TBCE: variants seen among roughly 807,000 people sequenced by gnomAD.
The protein encoded by TBCE is tubulin folding cofactor E.
A neutral mutation model predicts 77.0 loss-of-function variants in TBCE; 53 were observed. The observed-to-expected ratio is 0.69, with a 90% CI of 0.55 to 0.87. The LOEUF is 0.87. TBCE is among the 40% of genes least tolerant of loss of function. The pLI, the probability that TBCE is intolerant of heterozygous loss-of-function variation, is 0.00. For synonymous variants in TBCE, 235 were observed against 241.3 expected (o/e 0.97, Z 0.24); for missense variants, 624 against 622.4 (o/e 1.00, Z -0.03).
At chr1:235,424,332 T>A (rs1036006626) in intron 5 of TBCE, among the ~76,000 whole-genome samples, 2 of 149,898 alleles carry the variant, frequency 1.3e-5, no homozygotes, top group Non-Finnish European at 3.0e-5. Flanking sequence ...CTTTTTTTTT[T>A]TTTTTTTTTT....
chr1:235,381,321 C>T (rs1022932971), intron 2 of TBCE, among the ~76,000 whole-genome samples: 2 of 151,972 alleles, frequency 1.3e-5, no homozygotes, highest in Admixed American at 1.3e-4. Flanking sequence ...ATGACAAATG[C>T]CCCATAGTTC....
At chr1:235,368,214 C>G (rs1229099036) in intron 1 of TBCE, among the ~76,000 whole-genome samples, 1 of 152,126 alleles carries the variant, frequency 6.6e-6, no homozygotes, top group East Asian at 1.9e-4. Context: ...CCTAAAGTAA[C>G]TATTTTTACT....
intron 1 of TBCE, among the ~76,000 whole-genome samples, chr1:235,368,803 T>G (rs936724263): frequency 1.1e-4 from 16 of 151,666 alleles, no homozygotes; most frequent in African/African-American, 3.9e-4. Context: ...TGACTTCAGG[T>G]GATCCACCTG....
chr1:235,423,556 G>C (rs1680529184), intron 5 of TBCE: 1 of 152,830 alleles, frequency 6.5e-6, no homozygotes, highest in African/African-American at 2.4e-5. Context: ...GCATGAGCCT[G>C]TGTTAGGCGG....
Position 235,450,543 on chromosome 1 carries a change from T to C in TBCE, c.*1781T>C, listed in dbSNP as rs770232244. On this transcript the variant is annotated 3_prime_UTR_variant, in exon 17 of 17. Coordinates refer to ENST00000642610, the MANE Select transcript of TBCE (RefSeq NM_003193.5). ...ACCAGGTCCCACAGTCCTGTGGCTG[T>C]GGAATACAGAAACAAGGCGGTGTGT... 66 of 551,760 alleles carry C rather than the reference T, an allele frequency of 1.2e-4. No homozygotes were observed. The highest frequency in any genetic ancestry group is 2.0e-4 in the Non-Finnish European group (62 of 314,280). The allele number at this position is 551,760 out of a possible 1,614,324, so 34.2% of individuals were successfully genotyped here.
chr1:235,448,781 T>TAAAG lies in TBCE; in HGVS notation c.*21_*24dup, dbSNP rs766703830. The TAAAG allele has an allele frequency of 9.7e-5, 148 of 1,529,040 alleles. No homozygotes were observed. In the Middle Eastern group the frequency reaches 1.7e-3, roughly 17 times the overall value. 94.7% of individuals were successfully genotyped at this position (1,529,040 alleles called of 1,614,324 possible). ...ATGGTGACAACCAACTAATAAAATT[T>TAAAG]AAAGACCACACTGCTTATCGTGTCT... On this transcript the variant is annotated 3_prime_UTR_variant, in exon 17 of 17. Transcript: ENST00000642610.
intron 2 of TBCE, 36 bp from the exon 3 acceptor site, chr1:235,401,467 C>T (rs1025565550): frequency 6.4e-7 from 1 of 1,565,812 alleles, no homozygotes; most frequent in South Asian, 1.1e-5. Context: ...CCTGTATCAT[C>T]ATCTGTTACT....
chr1:235,434,256 C>CT lies in TBCE; in HGVS notation c.714dup (p.Asn239Ter), dbSNP rs770752242. The CT allele has an allele frequency of 1.5e-5, 25 of 1,614,132 alleles. No homozygotes were observed. The highest frequency in any genetic ancestry group is 1.9e-5 in the Non-Finnish European group (22 of 1,180,010). Reference sequence around the variant, plus strand: ...GGCCTGGAGGAACTCTACCTTGAGTCTAACAACATTTTCATTTCCGAAAGG... The same window carrying CT: ...GGCCTGGAGGAACTCTACCTTGAGTCTTAACAACATTTTCATTTCCGAAAGG... On this transcript the variant is annotated frameshift_variant, in exon 8 of 17. Transcript: ENST00000642610. LOFTEE classifies it high-confidence loss of function.
chr1:235,442,169 C>T (rs576867984), intron 14 of TBCE, among the ~76,000 whole-genome samples: 5 of 151,990 alleles, frequency 3.3e-5, no homozygotes, highest in East Asian at 1.9e-4. Flanking sequence ...CAACCATGCC[C>T]GGCTAATTTT....
chr1:235,372,871 C>T (rs1291238977), intron 1 of TBCE, among the ~76,000 whole-genome samples: 2 of 142,698 alleles, frequency 1.4e-5, no homozygotes, highest in African/African-American at 5.3e-5. Context: ...TTGCAGTGAG[C>T]TGAGATTGCA....
intron 3 of TBCE, among the ~76,000 whole-genome samples, chr1:235,413,043 T>C (rs923516791): frequency 6.6e-6 from 1 of 152,190 alleles, no homozygotes; most frequent in Non-Finnish European, 1.5e-5. Context: ...CCTTAGGTGA[T>C]CCGCCCTTTT....
At chr1:235,396,244 G>A (rs1678711540) in intron 2 of TBCE, among the ~76,000 whole-genome samples, 2 of 151,748 alleles carry the variant, frequency 1.3e-5, no homozygotes, top group African/African-American at 4.8e-5. Context: ...ATTTTTAGTA[G>A]AGATGGGATT....
At chr1:235,446,914 G>A (rs1682373264) in intron 15 of TBCE, among the ~76,000 whole-genome samples, 1 of 151,972 alleles carries the variant, frequency 6.6e-6, no homozygotes, top group African/African-American at 2.4e-5. Flanking sequence ...AAATTCCTGG[G>A]CTCTGATCCC....
chr1:235,436,049 A>G (rs1681430453), intron 9 of TBCE: 1 of 611,720 alleles, frequency 1.6e-6, no homozygotes, highest in Non-Finnish European at 2.9e-6. Flanking sequence ...TCTGTACCAG[A>G]TAATTTGAAG....
At chr1:235,442,422 G>T (rs536034401) in intron 14 of TBCE, among the ~76,000 whole-genome samples, 2 of 152,116 alleles carry the variant, frequency 1.3e-5, no homozygotes, top group African/African-American at 4.8e-5. Context: ...CACCCGCCTC[G>T]GCCTCCCAAA....
rs951470014 is a variant in TBCE, at chr1:235,373,773, C to T, written c.-31-6246C>T. On this transcript the variant is annotated intron_variant, in intron 1 of 16. Coordinates refer to ENST00000642610, the MANE Select transcript of TBCE (RefSeq NM_003193.5). ...ACGCCATTCTCCTGCCTCAGCCTCC[C>T]GAGTAGCTGGGACTACAAGCGCCCG... 6.1e-4 allele frequency among the ~76,000 whole-genome samples: 91 copies of T among 149,508 alleles called. 1 individual carries two copies. The highest frequency in any genetic ancestry group is 2.0e-3 in the African/African-American group (81 of 40,060).
chr1:235,371,656 G>A (rs1326434740), intron 1 of TBCE, among the ~76,000 whole-genome samples: 1 of 151,418 alleles, frequency 6.6e-6, no homozygotes, highest in Non-Finnish European at 1.5e-5. Context: ...GATTACAGGC[G>A]TGAGCTACAG....
At chr1:235,400,182 A>G (rs1473992828) in intron 2 of TBCE, among the ~76,000 whole-genome samples, 1 of 152,066 alleles carries the variant, frequency 6.6e-6, no homozygotes, top group East Asian at 1.9e-4. Flanking sequence ...TTCCTAACTC[A>G]TATGTGTGAC....
chr1:235,439,174 G>A (rs974901196), intron 13 of TBCE, among the ~76,000 whole-genome samples: 2 of 152,050 alleles, frequency 1.3e-5, no homozygotes, highest in Non-Finnish European at 2.9e-5. Context: ...ATTTGGGGAA[G>A]GGAAAGCAAT....
Sources: gnomAD v4.1 joint callset for allele counts (sites outside exome capture counted in the v4.1 genomes callset) on GRCh38, gnomAD v4.1.1 for gene constraint, MANE v1.5 for transcripts, NCBI Gene and HGNC (gene_info 2026-07-23, HGNC 2026-07-21) for gene names.